Variants in RIMS1 observed in about 807,000 individuals in gnomAD.
RIMS1 encodes regulating synaptic membrane exocytosis 1.
In RIMS1, 83 loss-of-function variants were observed where a neutral mutation model predicts 214.1. That is an observed-to-expected ratio of 0.39 (90% CI 0.32 to 0.47). The LOEUF (loss-of-function observed/expected upper bound fraction) is 0.47, where lower values mean the gene tolerates loss of function less well. Ranked by LOEUF, RIMS1 falls within the 20% of genes least tolerant of loss-of-function variation. The pLI, the probability that RIMS1 is intolerant of heterozygous loss-of-function variation, is 0.99. For synonymous variants in RIMS1, 793 were observed against 786.8 expected (o/e 1.01, Z -0.13); for missense variants, 2,050 against 2,161.8 (o/e 0.95, Z 1.03).
At chr6:71,985,196 C>A (rs915748919) in intron 2 of RIMS1, among the ~76,000 whole-genome samples, 1 of 152,012 alleles carries the variant, frequency 6.6e-6, no homozygotes, top group Non-Finnish European at 1.5e-5. Context: ...CTAGCCTGGG[C>A]AACATAGTGA....
chr6:72,258,022 T>G, intron 16 of RIMS1, 103 bp from the exon 17 acceptor site: 1 of 1,049,950 alleles, frequency 9.5e-7, no homozygotes, highest in Admixed American at 2.2e-5. Flanking sequence ...ACATTTATTC[T>G]TCATAGATCA....
At chr6:72,335,334 G>C (rs978748602) in intron 29 of RIMS1, among the ~76,000 whole-genome samples, 3 of 151,930 alleles carry the variant, frequency 2.0e-5, no homozygotes, top group African/African-American at 7.2e-5. Context: ...TTAGTGTTTG[G>C]TTTTCTGTTC....
At chr6:71,943,079 GGT>G (rs1786690346) in intron 1 of RIMS1, among the ~76,000 whole-genome samples, 1 of 151,948 alleles carries the variant, frequency 6.6e-6, no homozygotes, top group Non-Finnish European at 1.5e-5. Context: ...CACATACCAT[GGT>G]TACTACTAAA....
chr6:72,163,265 T>A (rs1326917463), intron 4 of RIMS1, among the ~76,000 whole-genome samples: 1 of 140,090 alleles, frequency 7.1e-6, no homozygotes, highest in Non-Finnish European at 1.6e-5. Flanking sequence ...TCTGCTTTGG[T>A]TATTCTAGTT....
At chr6:72,078,927 A>G (rs779986820) in intron 2 of RIMS1, among the ~76,000 whole-genome samples, 17 of 152,090 alleles carry the variant, frequency 1.1e-4, no homozygotes, top group Non-Finnish European at 1.9e-4. Flanking sequence ...TATACATACT[A>G]AGCATTTAAC....
chr6:72,208,942 G>A (rs1033435280), intron 6 of RIMS1, among the ~76,000 whole-genome samples: 2 of 152,106 alleles, frequency 1.3e-5, no homozygotes, highest in African/African-American at 4.8e-5. Context: ...CCATATGGTT[G>A]GGTCAGGGTC....
chr6:72,255,322 G>A (rs903306940), intron 16 of RIMS1, among the ~76,000 whole-genome samples: 1 of 152,102 alleles, frequency 6.6e-6, no homozygotes, highest in Non-Finnish European at 1.5e-5. Context: ...TATGGAAGTC[G>A]TCTTCTATAT....
chr6:72,253,237 T>A (rs928096011), intron 16 of RIMS1, among the ~76,000 whole-genome samples: 9 of 152,204 alleles, frequency 5.9e-5, no homozygotes, highest in African/African-American at 2.2e-4. Flanking sequence ...TGGAATATAC[T>A]GAGAAAGGTG....
intron 29 of RIMS1, among the ~76,000 whole-genome samples, chr6:72,388,807 T>A (rs1161026462): frequency 6.6e-6 from 1 of 152,314 alleles, no homozygotes; most frequent in Admixed American, 6.5e-5. Context: ...TGTAGTACCA[T>A]TTACTGTGGG....
chr6:71,893,749 A>G (rs1313988370), intron 1 of RIMS1, among the ~76,000 whole-genome samples: 1 of 152,190 alleles, frequency 6.6e-6, no homozygotes, highest in African/African-American at 2.4e-5. Flanking sequence ...GGACAGCAAG[A>G]GGGGGTTATT....
intron 1 of RIMS1, among the ~76,000 whole-genome samples, chr6:71,959,693 A>C (rs551244243): frequency 6.6e-6 from 1 of 152,132 alleles, no homozygotes; most frequent in Non-Finnish European, 1.5e-5. Context: ...GGGGATGTGA[A>C]TTAAAGACTA....
chr6:72,043,944 C>T (rs1463276378), intron 2 of RIMS1, among the ~76,000 whole-genome samples: 1 of 151,266 alleles, frequency 6.6e-6, no homozygotes, highest in Non-Finnish European at 1.5e-5. Flanking sequence ...TACATATAGT[C>T]CAGATATGTA....
At chr6:72,246,458 T>C (rs2069771184) in intron 11 of RIMS1, among the ~76,000 whole-genome samples, 1 of 152,222 alleles carries the variant, frequency 6.6e-6, no homozygotes, top group Non-Finnish European at 1.5e-5. Context: ...AAGTTTTCAA[T>C]GATAATGCAG....
At chr6:71,898,598 T>G (rs375158496) in intron 1 of RIMS1, among the ~76,000 whole-genome samples, 31 of 152,252 alleles carry the variant, frequency 2.0e-4, no homozygotes, top group African/African-American at 7.5e-4. Flanking sequence ...TGGTAAATTC[T>G]CAGCTCACCT....
intron 2 of RIMS1, among the ~76,000 whole-genome samples, chr6:72,041,171 C>A (rs929539505): frequency 6.6e-6 from 1 of 151,808 alleles, no homozygotes; most frequent in Non-Finnish European, 1.5e-5. Context: ...AAAAAATAAA[C>A]AAACTGAAGT....
At chr6:72,127,691 C>T (rs1199760432) in intron 4 of RIMS1, among the ~76,000 whole-genome samples, 3 of 152,134 alleles carry the variant, frequency 2.0e-5, no homozygotes, top group African/African-American at 7.2e-5. Flanking sequence ...TTCCTCTGGT[C>T]CAGCTTTTGA....
At chr6:72,341,551 C>T (rs761980075) in intron 29 of RIMS1, among the ~76,000 whole-genome samples, 8 of 151,784 alleles carry the variant, frequency 5.3e-5, no homozygotes, top group Non-Finnish European at 8.8e-5. Flanking sequence ...TTTACTTTAA[C>T]TTGTACTATT....
At chr6:72,038,029 C>A (rs1267842010) in intron 2 of RIMS1, among the ~76,000 whole-genome samples, 1 of 139,714 alleles carries the variant, frequency 7.2e-6, no homozygotes, top group Admixed American at 7.6e-5. Context: ...CCTATGATCC[C>A]AGCCTCTTTG....
chr6:72,325,469 A>T (rs1235391669), intron 28 of RIMS1, among the ~76,000 whole-genome samples: 1 of 151,030 alleles, frequency 6.6e-6, no homozygotes, highest in Admixed American at 6.6e-5. Context: ...ATATATAATA[A>T]CTATTAGAAT....
Sources: gnomAD v4.1 joint callset for allele counts (sites outside exome capture counted in the v4.1 genomes callset) on GRCh38, gnomAD v4.1.1 for gene constraint, MANE v1.5 for transcripts, NCBI Gene and HGNC (gene_info 2026-07-23, HGNC 2026-07-21) for gene names.